Variants in APPL1 observed in about 807,000 individuals in gnomAD.
The protein encoded by APPL1 is adaptor protein, phosphotyrosine interacting with PH domain and leucine zipper 1, also known as DCC-interacting protein 13-alpha.
In APPL1, 42 loss-of-function variants were observed where a neutral mutation model predicts 106.8. The observed-to-expected ratio is 0.39, with a 90% confidence interval of 0.31 to 0.51. APPL1 has a LOEUF of 0.51. Ranked by LOEUF, APPL1 falls within the 20% of genes least tolerant of loss-of-function variation. The probability of loss-of-function intolerance (pLI) is 0.75; values close to 1 mark genes in which losing one functional copy is unlikely to be tolerated. For missense variants in APPL1, 769 were observed against 858.2 expected (o/e 0.90, Z 1.30); for synonymous variants, 263 against 281.8 (o/e 0.93, Z 0.67).
intron 1 of APPL1, chr3:57,230,753 CTTT>C (rs1180745186): frequency 2.2e-6 from 1 of 454,788 alleles, no homozygotes; most frequent in Non-Finnish European, 4.5e-6. Context: ...AATATGAAGA[CTTT>C]TAAAGCTCAT....
At chr3:57,249,841 A>G (rs569006343) in intron 11 of APPL1, among the ~76,000 whole-genome samples, 30 of 152,190 alleles carry the variant, frequency 2.0e-4, no homozygotes, top group African/African-American at 6.3e-4. Context: ...GAACAAGTTA[A>G]TGGAAAGAGT....
intron 11 of APPL1, among the ~76,000 whole-genome samples, chr3:57,250,793 G>A (rs2060799262): frequency 1.4e-5 from 2 of 144,852 alleles, no homozygotes; most frequent in South Asian, 4.4e-4. Flanking sequence ...TTTGACCTTT[G>A]AACTTTCTTT....
rs2060791539 is a variant in APPL1 at position 57,249,437 on chromosome 3, G to A, written c.941G>A (p.Arg314His). The A allele has an allele frequency of 1.2e-6, 2 of 1,614,192 alleles. No individual in the cohort carries two copies. The highest frequency in any genetic ancestry group is 8.5e-7 in the Non-Finnish European group (1 of 1,180,036). ...TQGGNLMSQA[R>H]GDVAGGLAMD... Reference sequence around the variant, plus strand: ...GGTGGAAATTTAATGAGTCAGGCCCGTGGGGATGTAGCAGGAGGCCTGGCC... The same window carrying A: ...GGTGGAAATTTAATGAGTCAGGCCCATGGGGATGTAGCAGGAGGCCTGGCC... The change falls in exon 11 of 22, where the codon CGT (arginine) becomes CAT (histidine). Residue 314 changes from arginine (R) to histidine (H), a missense_variant. Arg to His is a conservative substitution (Grantham distance 29). Transcript: ENST00000288266.
chr3:57,246,068 A>G lies in APPL1; in HGVS notation c.475-8A>G, dbSNP rs1328009376. 3 of 1,557,194 alleles carry G rather than the reference A, an allele frequency of 1.9e-6. No homozygotes were observed. The highest frequency in any genetic ancestry group is 2.6e-6 in the Non-Finnish European group (3 of 1,156,362). On this transcript the variant is annotated splice_polypyrimidine_tract_variant and splice_region_variant and intron_variant, in intron 7 of 21. Transcript: ENST00000288266. Reference sequence around the variant, plus strand: ...TTTACTTAATTATTTAAATCTTTTCATTCAAAGGTGAAGTATGAAGTAACA... The same window carrying G: ...TTTACTTAATTATTTAAATCTTTTCGTTCAAAGGTGAAGTATGAAGTAACA...
At chr3:57,243,010 A>T in intron 7 of APPL1, 96 bp downstream of exon 7, 2 of 831,068 alleles carry the variant, frequency 2.4e-6, no homozygotes, top group Non-Finnish European at 3.9e-6. Flanking sequence ...GTTACTTTGT[A>T]TGTTTTGTTA....
chr3:57,259,012 C>T lies in APPL1; in HGVS notation c.1431-16C>T, dbSNP rs1209726274. The T allele has an allele frequency of 2.5e-6, 4 of 1,602,290 alleles. No individual in the cohort carries two copies. The South Asian group carries it at 3.3e-5, about 13-fold the overall frequency. The stretch of plus-strand genomic sequence containing the variant: ...GTAACTGACCATGTGTTCATATTTT[C>T]TTCTAAACTTTTTAGGCGTACAAAT... On this transcript the variant is annotated splice_polypyrimidine_tract_variant and intron_variant, in intron 15 of 21. Coordinates refer to ENST00000288266, the MANE Select transcript of APPL1 (RefSeq NM_012096.3).
At position 57,248,312 on chromosome 3, in the gene APPL1, G is replaced by T. The variant is rs748607720; in HGVS notation, c.824G>T (p.Arg275Leu). 3 of 1,613,902 alleles carry T rather than the reference G, an allele frequency of 1.9e-6. No homozygotes were observed. The highest frequency in any genetic ancestry group is 2.5e-6 in the Non-Finnish European group (3 of 1,180,002). The stretch of plus-strand genomic sequence containing the variant: ...GACCCCACCAAATTTCCTGTTAATC[G>T]AAATTTAACCCGAAAGGCTGGATAC... The part of the protein sequence containing the change: ...DPDPTKFPVN[R>L]NLTRKAGYLN... Residue 275 changes from arginine (R) to leucine (L), a missense_variant, in exon 10 of 22, where the codon CGA becomes CTA. By Grantham distance (102) the Arg-to-Leu change is moderately radical (BLOSUM62 -2). Transcript: ENST00000288266.
intron 1 of APPL1, among the ~76,000 whole-genome samples, chr3:57,232,165 T>A (rs1042089891): frequency 1.3e-5 from 2 of 152,196 alleles, no homozygotes; most frequent in Non-Finnish European, 2.9e-5. Context: ...TTTAGAAAAT[T>A]AATTGATTTT....
chr3:57,242,140 A>G lies in APPL1; in HGVS notation c.413A>G (p.Asn138Ser), dbSNP rs755278062. Residue 138 changes from asparagine (N) to serine (S), a missense_variant and splice_region_variant, in exon 6 of 22, where the codon AAT becomes AGT. By Grantham distance (46) the Asn-to-Ser change is conservative. Transcript: ENST00000288266. ...TLKEVFQIAS[N>S]DHDAAINRYS... is the part of the protein sequence containing the mutation. Reference sequence around the variant, plus strand: ...AAGGAAGTATTTCAGATTGCAAGTAATGGTAAGCCCTATAATTTGCACACT... The same window carrying G: ...AAGGAAGTATTTCAGATTGCAAGTAGTGGTAAGCCCTATAATTTGCACACT... 6.3e-7 allele frequency: 1 copy of G among 1,593,426 alleles called. No individual in the cohort carries two copies.
At chr3:57,244,225 G>A (rs1411256773) in intron 7 of APPL1, among the ~76,000 whole-genome samples, 24 of 151,284 alleles carry the variant, frequency 1.6e-4, no homozygotes, top group South Asian at 2.1e-4. Context: ...GCTCCGTCTC[G>A]GCTCACTGCA....
At chr3:57,231,263 C>T (rs541035787) in intron 1 of APPL1, among the ~76,000 whole-genome samples, 65 of 135,450 alleles carry the variant, frequency 4.8e-4, no homozygotes, top group Non-Finnish European at 8.1e-4. Context: ...CACTTGAACC[C>T]GGGAGGCGGG....
At chr3:57,258,251 G>C (rs2060847631) in intron 15 of APPL1, among the ~76,000 whole-genome samples, 1 of 152,070 alleles carries the variant, frequency 6.6e-6, no homozygotes, top group South Asian at 2.1e-4. Context: ...TTGACCTTCT[G>C]GGCTCAAGGG....
At position 57,259,015 on chromosome 3, in the gene APPL1, C is replaced by T; in HGVS notation, c.1431-13C>T. 6.2e-7 allele frequency: 1 copy of T among 1,605,644 alleles called. No individual in the cohort carries two copies. The highest frequency in any genetic ancestry group is 8.5e-7 in the Non-Finnish European group (1 of 1,175,144). On this transcript the variant is annotated splice_polypyrimidine_tract_variant and intron_variant, in intron 15 of 21. Transcript: ENST00000288266. Reference sequence around the variant, plus strand: ...ACTGACCATGTGTTCATATTTTCTTCTAAACTTTTTAGGCGTACAAATCCA... The same window carrying T: ...ACTGACCATGTGTTCATATTTTCTTTTAAACTTTTTAGGCGTACAAATCCA...
chr3:57,270,378 A>G lies in APPL1; in HGVS notation c.*691A>G, dbSNP rs1227111110. ...AGAGCCCTTGGCATTTTATTATCACATTCTTAGTTCTCAGGTTGGGACTTC... is the reference window on the plus strand; with the variant it reads ...AGAGCCCTTGGCATTTTATTATCACGTTCTTAGTTCTCAGGTTGGGACTTC... On this transcript the variant is annotated 3_prime_UTR_variant, in exon 22 of 22. Coordinates refer to ENST00000288266, the MANE Select transcript of APPL1 (RefSeq NM_012096.3). 1 of 152,622 alleles carries G rather than the reference A, an allele frequency of 6.6e-6. No homozygotes were observed. The highest frequency in any genetic ancestry group is 2.4e-5 in the African/African-American group (1 of 41,448). The allele number at this position is 152,622 out of a possible 1,614,324, so 9.5% of individuals were successfully genotyped here.
Position 57,237,341 on chromosome 3 carries a change from A to AT in APPL1, c.154-150dup, listed in dbSNP as rs2107597903. 8 of 576,984 alleles carry AT rather than the reference A, an allele frequency of 1.4e-5. No homozygotes were observed. In the South Asian group the frequency reaches 1.7e-4, roughly 12 times the overall value. 35.7% of individuals were successfully genotyped at this position (576,984 alleles called of 1,614,324 possible). ...TTGAGTTTTCTTTTAAAGTGCTTTA[A>AT]TGGTAGTACCCCTTTCCAGTGATTT... On this transcript the variant is annotated intron_variant, in intron 2 of 21. Transcript: ENST00000288266.
rs1273528196 is a variant in APPL1, at chr3:57,256,967, C to T, written c.1163C>T (p.Ala388Val). 3 of 1,614,032 alleles carry T rather than the reference C, an allele frequency of 1.9e-6. No individual in the cohort carries two copies. The South Asian group carries it at 3.3e-5, about 18-fold the overall frequency. ...AAAAAATTGAAATAGGAAACTGCTG[C>T]ACGAGTAAATCAATCAGCTCTGGAA... ...YLSENPEETAARVNQSALEAV... is the reference protein window; with the variant it reads ...YLSENPEETAVRVNQSALEAV... Residue 388 changes from alanine (A) to valine (V), a missense_variant, in exon 14 of 22, where the codon GCA becomes GTA. Physicochemically the swap from Ala to Val is moderately conservative, Grantham distance 64. Transcript: ENST00000288266.
Position 57,238,124 on chromosome 3 carries a change from T to A in APPL1, c.285+8T>A, listed in dbSNP as rs993223845. On this transcript the variant is annotated splice_region_variant and intron_variant, in intron 4 of 21. Coordinates refer to ENST00000288266, the MANE Select transcript of APPL1 (RefSeq NM_012096.3). ...TCAAAAGTTATAGATGAGGTAAACG[T>A]TTATTTTATTTTGCTTGATTAAATG... The A allele has an allele frequency of 6.3e-7, 1 of 1,594,486 alleles. No individual in the cohort carries two copies. The highest frequency in any genetic ancestry group is 8.6e-7 in the Non-Finnish European group (1 of 1,169,006).
At chr3:57,250,756 T>G (rs1490552765) in intron 11 of APPL1, among the ~76,000 whole-genome samples, 3 of 151,954 alleles carry the variant, frequency 2.0e-5, no homozygotes, top group Non-Finnish European at 4.4e-5. Context: ...ATCTGCCATT[T>G]TCCCCCCACT....
Position 57,228,532 on chromosome 3 carries a change from A to G in APPL1, c.54+595A>G, listed in dbSNP as rs1483853602. Among the ~76,000 whole-genome samples, 1 of 152,188 alleles carries G rather than the reference A, an allele frequency of 6.6e-6. No homozygotes were observed. Among genetic ancestry groups the G allele is most frequent in the Non-Finnish European group, 1.5e-5 (1 of 68,044 alleles). On this transcript the variant is annotated intron_variant, in intron 1 of 21. Coordinates refer to ENST00000288266, the MANE Select transcript of APPL1 (RefSeq NM_012096.3). This position sits in a 1 kb window ranked among gnomAD's most constrained non-coding sequence, Gnocchi z 4.6. ...GCTGTCACTCGAGCTGTGCACGGCGAGGGATGGACGGTGCCTTCGCCGCTC... is the reference window on the plus strand; with the variant it reads ...GCTGTCACTCGAGCTGTGCACGGCGGGGGATGGACGGTGCCTTCGCCGCTC...
Sources: allele counts gnomAD v4.1 joint callset (sites outside exome capture counted in the v4.1 genomes callset), GRCh38; gene constraint gnomAD v4.1.1; non-coding constraint Gnocchi (gnomAD v3.1); transcripts MANE v1.5; gene names NCBI Gene and HGNC (gene_info 2026-07-23, HGNC 2026-07-21).